GCNT1: variants seen among roughly 807,000 people sequenced by gnomAD.
GCNT1 encodes the protein beta-1,3-galactosyl-O-glycosyl-glycoprotein beta-1,6-N-acetylglucosaminyltransferase.
Under a neutral mutation model 26.2 loss-of-function variants are expected in GCNT1, and 16 were observed. That is an observed-to-expected ratio of 0.61 (90% CI 0.41 to 0.93). GCNT1 has a LOEUF of 0.93. GCNT1 is among the 40% of genes least tolerant of loss of function. The pLI is 0.00. For missense variants in GCNT1, 477 were observed against 526.7 expected, an observed-to-expected ratio of 0.91 and a Z score of 0.92; for synonymous variants, 183 against 190.8, an observed-to-expected ratio of 0.96 and a Z score of 0.34.
In GCNT1 at chr9:76,424,679, C is replaced by T. The variant is rs182885289; in HGVS notation, n.38+4792C>T. ...TAATATAAAACTGGATGATAGATAA[C>T]TAAATCTCTTTTTGTGCCCTATTCA... is the stretch of plus-strand genomic sequence containing the variant. On this transcript the variant is annotated intron_variant and non_coding_transcript_variant, in intron 1 of 3. Transcript: ENST00000488136. Among the ~76,000 whole-genome samples, 11 of 152,264 alleles carry T rather than the reference C, an allele frequency of 7.2e-5. No homozygotes were observed. In the East Asian group the frequency reaches 2.1e-3, roughly 29 times the overall value.
At chr9:76,440,494 C>T (rs1223548424), upstream of GCNT1, among the ~76,000 whole-genome samples, 2 of 152,152 alleles carry the variant, frequency 1.3e-5, no homozygotes, top group Non-Finnish European at 2.9e-5. Context: ...CCAGTGTGTC[C>T]TCATCAGATT....
intron 1 of GCNT1, among the ~76,000 whole-genome samples, chr9:76,422,493 G>A (rs79539618): frequency 6.6e-6 from 1 of 152,154 alleles, no homozygotes; most frequent in East Asian, 1.9e-4. Flanking sequence ...GCATTCAGTA[G>A]AAACCATACT....
At chr9:76,472,637 C>T (rs1193484403) in intron 2 of GCNT1, among the ~76,000 whole-genome samples, 1 of 152,142 alleles carries the variant, frequency 6.6e-6, no homozygotes, top group African/African-American at 2.4e-5. Context: ...AATACCATGT[C>T]TCTGTCTTTA....
chr9:76,461,270 A>G (rs908190337), intron 2 of GCNT1, among the ~76,000 whole-genome samples: 1 of 150,494 alleles, frequency 6.6e-6, no homozygotes, highest in Admixed American at 6.6e-5. Context: ...GCCTGATTTT[A>G]AATATTGGCT....
At chr9:76,496,492 C>T (rs1466834647) in intron 2 of GCNT1, among the ~76,000 whole-genome samples, 1 of 152,120 alleles carries the variant, frequency 6.6e-6, no homozygotes, top group East Asian at 1.9e-4. Flanking sequence ...TTGATTTCTG[C>T]CTCCTGTCTC....
chr9:76,398,622 C>T, the GCNT1 span: 14 of 823,756 alleles, frequency 1.7e-5, no homozygotes, highest in Non-Finnish European at 2.6e-5. Flanking sequence ...TTTGTTTTTG[C>T]TTTCCGCGCT....
upstream of GCNT1, among the ~76,000 whole-genome samples, chr9:76,456,761 G>A (rs1823763754): frequency 6.6e-6 from 1 of 152,128 alleles, no homozygotes; most frequent in Non-Finnish European, 1.5e-5. Context: ...TCGCTTGAGC[G>A]TGGGAGTTCA....
At chr9:76,415,159 G>A (rs1823121821), upstream of GCNT1, among the ~76,000 whole-genome samples, 1 of 152,096 alleles carries the variant, frequency 6.6e-6, no homozygotes, top group Admixed American at 6.6e-5. Flanking sequence ...CTAGGCTCAG[G>A]TGATACTTCC....
At chr9:76,468,604 A>G (rs1305229135) in intron 2 of GCNT1, among the ~76,000 whole-genome samples, 1 of 152,222 alleles carries the variant, frequency 6.6e-6, no homozygotes, top group African/African-American at 2.4e-5. Flanking sequence ...CTTTGCACCC[A>G]TCAGAGCATT....
chr9:76,463,377 A>G (rs1355317335), intron 2 of GCNT1, among the ~76,000 whole-genome samples: 2 of 152,140 alleles, frequency 1.3e-5, no homozygotes, highest in Non-Finnish European at 2.9e-5. Context: ...CCCTGGTGAA[A>G]CTCTTTATTC....
chr9:76,428,676 AT>A (rs1410164452), intron 1 of GCNT1, among the ~76,000 whole-genome samples: 23 of 151,510 alleles, frequency 1.5e-4, no homozygotes, highest in African/African-American at 4.4e-4. Flanking sequence ...TTTACTTTGA[AT>A]AACGTAGCTG....
the GCNT1 span, chr9:76,399,373 G>A: frequency 6.8e-7 from 1 of 1,471,434 alleles, no homozygotes; most frequent in South Asian, 1.1e-5. Flanking sequence ...TGACCAAGGA[G>A]GAATTTCAGG....
In GCNT1 at chr9:76,502,847, A is replaced by T. The variant is rs1223806268; in HGVS notation, c.466A>T (p.Thr156Ser). ...PQNFYCIHVD[T>S]KSEDSYLAAV... ...GAATTTCTATTGCATTCATGTGGAC[A>T]CAAAATCCGAGGATTCCTATTTAGC... is the stretch of plus-strand genomic sequence containing the variant. Residue 156 changes from threonine (T) to serine (S), a missense_variant, in exon 4 of 4, where the codon ACA (threonine) becomes TCA (serine). Transcript: ENST00000376730. 1 of 1,614,042 alleles carries T rather than the reference A, an allele frequency of 6.2e-7. No individual in the cohort carries two copies. The highest frequency in any genetic ancestry group is 1.3e-5 in the African/African-American group (1 of 74,924).
the GCNT1 span, chr9:76,399,227 A>G: frequency 1.3e-6 from 2 of 1,501,964 alleles, no homozygotes; most frequent in South Asian, 1.1e-5. Flanking sequence ...GATGTGGTAG[A>G]TGCTGGCTCG....
chr9:76,428,214 C>T (rs1427218436), intron 1 of GCNT1, among the ~76,000 whole-genome samples: 2 of 134,126 alleles, frequency 1.5e-5, no homozygotes, highest in Non-Finnish European at 3.1e-5. Context: ...TGCAGTGAGC[C>T]GAGATCGTGC....
chr9:76,505,039 A>T lies in GCNT1; in HGVS notation c.*1371A>T, dbSNP rs533651995. 6 of 412,824 alleles carry T rather than the reference A, an allele frequency of 1.5e-5. No individual in the cohort carries two copies. The East Asian group carries it at 2.1e-4, about 15-fold the overall frequency. The allele number at this position is 412,824 out of a possible 1,614,324, so 25.6% of individuals were successfully genotyped here. A position where few individuals can be genotyped will look rare whatever the true frequency, so the allele number is the denominator to read the frequency against. ...CATCTCAAAGTACATTCAAATCTTA[A>T]AAAGAAATTCTCGTACTTTTGCCAT... is the stretch of plus-strand genomic sequence containing the variant. On this transcript the variant is annotated 3_prime_UTR_variant, in exon 4 of 4. Coordinates refer to ENST00000376730, the MANE Select transcript of GCNT1 (RefSeq NM_001490.5).
the GCNT1 span, chr9:76,394,392 T>G: frequency 2.2e-6 from 1 of 462,688 alleles, no homozygotes. Context: ...GAGCTGCGTC[T>G]CCGCTGGAGG....
At chr9:76,448,468 C>CA (rs1823612694) in intron 1 of GCNT1, among the ~76,000 whole-genome samples, 2 of 151,754 alleles carry the variant, frequency 1.3e-5, no homozygotes, top group Admixed American at 1.3e-4. Context: ...ACAACAGCAG[C>CA]AAAAAAATCT....
chr9:76,401,557 T>A, the GCNT1 span, among the ~76,000 whole-genome samples: 1 of 152,162 alleles, frequency 6.6e-6, no homozygotes, highest in Non-Finnish European at 1.5e-5. Flanking sequence ...AGAAAACTAA[T>A]TTTTTTCCTC....
Sources: allele counts gnomAD v4.1 joint callset (sites outside exome capture counted in the v4.1 genomes callset), GRCh38; gene constraint gnomAD v4.1.1; transcripts MANE v1.5; gene names NCBI Gene and HGNC (gene_info 2026-07-23, HGNC 2026-07-21).